The following LAMA2 variants were observed in gnomAD, a reference collection of about 807,000 sequenced individuals.
LAMA2 encodes laminin subunit alpha 2.
Under a neutral mutation model 364.8 loss-of-function variants are expected in LAMA2, and 269 were observed. That is an observed-to-expected ratio of 0.74 (90% CI 0.67 to 0.82). The LOEUF (loss-of-function observed/expected upper bound fraction) is 0.82, where lower values mean the gene tolerates loss of function less well. LAMA2 is among the 40% of genes least tolerant of loss of function. LAMA2 has a pLI of 0.00. For missense variants in LAMA2, 3,807 were observed against 3,873.2 expected (o/e 0.98, Z 0.45); for synonymous variants, 1,379 against 1,370.6 (o/e 1.01, Z -0.14).
chr6:129,007,543 T>A (rs1331315811), intron 1 of LAMA2, among the ~76,000 whole-genome samples: 1 of 152,222 alleles, frequency 6.6e-6, no homozygotes. Flanking sequence ...CCAAATAAAA[T>A]GTCTCCTCCA....
intron 14 of LAMA2, among the ~76,000 whole-genome samples, chr6:129,254,964 A>G (rs1786533412): frequency 6.6e-6 from 1 of 152,160 alleles, no homozygotes; most frequent in Non-Finnish European, 1.5e-5. Flanking sequence ...GGGATATTGC[A>G]TTTCTCTAAT....
intron 32 of LAMA2, among the ~76,000 whole-genome samples, chr6:129,364,567 A>G (rs957435606): frequency 1.3e-5 from 2 of 152,182 alleles, no homozygotes; most frequent in Admixed American, 6.5e-5. Context: ...AAATCTGCTA[A>G]AAGATTCAAT....
chr6:129,221,457 T>C (rs1407845874), intron 12 of LAMA2, among the ~76,000 whole-genome samples: 2 of 149,736 alleles, frequency 1.3e-5, no homozygotes, highest in African/African-American at 4.9e-5. Context: ...GAGAAACATA[T>C]ACAGCTAAAA....
chr6:129,176,928 T>C (rs1780630825), intron 9 of LAMA2, among the ~76,000 whole-genome samples: 1 of 152,152 alleles, frequency 6.6e-6, no homozygotes, highest in South Asian at 2.1e-4. Context: ...ATTCTGCTTT[T>C]TGCTTTCTCT....
chr6:129,223,826 G>T (rs1444079475), intron 12 of LAMA2, among the ~76,000 whole-genome samples: 2 of 152,094 alleles, frequency 1.3e-5, no homozygotes, highest in African/African-American at 4.8e-5. Context: ...GGGAATGTGG[G>T]CTCTTTTTTG....
chr6:129,145,102 A>G (rs1197765003), intron 5 of LAMA2, among the ~76,000 whole-genome samples: 1 of 152,038 alleles, frequency 6.6e-6, no homozygotes, highest in African/African-American at 2.4e-5. Flanking sequence ...AAAAAAGACT[A>G]TAGGGAGAAA....
At chr6:129,100,095 C>T (rs1775433772) in intron 4 of LAMA2, among the ~76,000 whole-genome samples, 1 of 152,182 alleles carries the variant, frequency 6.6e-6, no homozygotes, top group Admixed American at 6.5e-5. Context: ...ATAAAATACA[C>T]TTCGGCAGGT....
intron 1 of LAMA2, among the ~76,000 whole-genome samples, chr6:128,941,100 G>T (rs1780124502): frequency 6.6e-6 from 1 of 152,240 alleles, no homozygotes; most frequent in Non-Finnish European, 1.5e-5. Context: ...TAAGCATGGG[G>T]CTTTTAAGAA....
intron 12 of LAMA2, among the ~76,000 whole-genome samples, chr6:129,209,976 C>T (rs994216579): frequency 1.2e-4 from 16 of 138,550 alleles, no homozygotes; most frequent in Non-Finnish European, 2.4e-4. Context: ...TGCACTCCAG[C>T]CCGGGCGACA....
Position 129,267,234 on chromosome 6 carries a change from C to T in LAMA2, c.2322+15C>T. On this transcript the variant is annotated intron_variant, in intron 16 of 64. Transcript: ENST00000421865. Reference sequence around the variant, plus strand: ...GAGAATGCCTGGTAAGTGCTCTCTTCTTTGGGGATGCTGATTGACAAGGCT... The same window carrying T: ...GAGAATGCCTGGTAAGTGCTCTCTTTTTTGGGGATGCTGATTGACAAGGCT... 1 of 1,510,780 alleles carries T rather than the reference C, an allele frequency of 6.6e-7. No homozygotes were observed. The allele number at this position is 1,510,780 out of a possible 1,614,324, so 93.6% of individuals were successfully genotyped here. A position where few individuals can be genotyped will look rare whatever the true frequency, so the allele number is the denominator to read the frequency against.
chr6:129,329,792 C>G (rs1199027162), intron 29 of LAMA2, among the ~76,000 whole-genome samples: 1 of 152,174 alleles, frequency 6.6e-6, no homozygotes, highest in African/African-American at 2.4e-5. Flanking sequence ...ACCCCTGGGC[C>G]ACAGGAGGAT....
intron 56 of LAMA2, chr6:129,490,783 A>C (rs1206635074): frequency 6.6e-6 from 1 of 152,182 alleles, no homozygotes; most frequent in Non-Finnish European, 1.5e-5. Context: ...TGGTAAAGAA[A>C]GAAACCTCAA....
At chr6:128,949,223 A>G (rs1780660990) in intron 1 of LAMA2, among the ~76,000 whole-genome samples, 1 of 152,138 alleles carries the variant, frequency 6.6e-6, no homozygotes, top group African/African-American at 2.4e-5. Context: ...GGAACTCAAA[A>G]CCAGACCTTG....
At chr6:129,500,204 T>C (rs907930923) in intron 58 of LAMA2, among the ~76,000 whole-genome samples, 1 of 152,140 alleles carries the variant, frequency 6.6e-6, no homozygotes, top group African/African-American at 2.4e-5. Flanking sequence ...AATCCTAAGG[T>C]ACATATTTTT....
At chr6:129,308,501 T>C (rs1005818067) in intron 22 of LAMA2, among the ~76,000 whole-genome samples, 1 of 152,212 alleles carries the variant, frequency 6.6e-6, no homozygotes, top group African/African-American at 2.4e-5. Context: ...GTTATATGTT[T>C]AGTACTATCA....
At chr6:129,007,990 T>G (rs1784539955) in intron 1 of LAMA2, among the ~76,000 whole-genome samples, 1 of 152,190 alleles carries the variant, frequency 6.6e-6, no homozygotes, top group African/African-American at 2.4e-5. Context: ...ATGGGCAGTT[T>G]TAAACCTAAT....
intron 8 of LAMA2, chr6:129,158,136 C>G: frequency 1.2e-6 from 2 of 1,612,506 alleles, no homozygotes; most frequent in Non-Finnish European, 1.7e-6. Context: ...AAGCAGGGCT[C>G]TGGTGTCCAG....
rs546775884 is a variant in LAMA2, at chr6:129,210,522, G to A, written c.1782+17669G>A. Among the ~76,000 whole-genome samples, 7 of 152,292 alleles carry A rather than the reference G, an allele frequency of 4.6e-5. No individual in the cohort carries two copies. The East Asian group carries it at 1.4e-3, about 29-fold the overall frequency. ...ACATGTACTGCCATTAATTTGGAATGGGAGAGAAAGGAGACTTGGCAGAAC... is the reference window on the plus strand; with the variant it reads ...ACATGTACTGCCATTAATTTGGAATAGGAGAGAAAGGAGACTTGGCAGAAC... On this transcript the variant is annotated intron_variant, in intron 12 of 64. Transcript: ENST00000421865.
intron 1 of LAMA2, among the ~76,000 whole-genome samples, chr6:129,045,829 T>G (rs1190871467): frequency 6.6e-6 from 1 of 152,158 alleles, no homozygotes; most frequent in African/African-American, 2.4e-5. Context: ...TCCAATCAGG[T>G]CTTTCAGGGC....
Sources: gnomAD v4.1 joint callset for allele counts (sites outside exome capture counted in the v4.1 genomes callset) on GRCh38, gnomAD v4.1.1 for gene constraint, MANE v1.5 for transcripts, NCBI Gene and HGNC (gene_info 2026-07-23, HGNC 2026-07-21) for gene names.